ATL1: variants seen among roughly 807,000 people sequenced by gnomAD.
ATL1 encodes the protein atlastin-1.
ATL1 carries 31 observed loss-of-function variants against 75.5 expected under a neutral mutation model. The observed-to-expected ratio is 0.41, with a 90% CI of 0.31 to 0.55. ATL1 has a LOEUF of 0.55. Among genes scored for constraint, ATL1 ranks in the 20% least tolerant of loss-of-function variants. The pLI is 0.27. For synonymous variants in ATL1, 226 were observed against 233.3 expected (o/e 0.97, Z 0.28); for missense variants, 405 against 662.6 (o/e 0.61, Z 4.27).
At chr14:50,547,264 G>T (rs2038645244) in intron 1 of ATL1, among the ~76,000 whole-genome samples, 1 of 152,102 alleles carries the variant, frequency 6.6e-6, no homozygotes, top group South Asian at 2.1e-4. Flanking sequence ...GTGAACTCTT[G>T]TGTAATTTAA....
intron 1 of ATL1, among the ~76,000 whole-genome samples, chr14:50,574,929 GTGTGTGTGTATATA>G (rs2038987458): frequency 1.1e-5 from 1 of 93,458 alleles, no homozygotes; most frequent in South Asian, 3.5e-4. Flanking sequence ...GTGTGTGTGT[GTGTGTGTGTATATA>G]TATATATATA....
chr14:50,627,041 A>C (rs2039527808), intron 11 of ATL1, among the ~76,000 whole-genome samples: 1 of 152,236 alleles, frequency 6.6e-6, no homozygotes, highest in Admixed American at 6.5e-5. Context: ...ATCCCAGGCT[A>C]CAGAGAAATC....
intron 1 of ATL1, among the ~76,000 whole-genome samples, chr14:50,574,937 GTATATA>G (rs71118894): frequency 8.1e-3 from 187 of 23,132 alleles, no homozygotes; most frequent in South Asian, 0.015. Flanking sequence ...GTGTGTGTGT[GTATATA>G]TATATATATA....
chr14:50,626,838 C>G (rs1386196251), intron 11 of ATL1, among the ~76,000 whole-genome samples: 1 of 152,142 alleles, frequency 6.6e-6, no homozygotes, highest in Non-Finnish European at 1.5e-5. Context: ...CTATTGAACA[C>G]TGTCTTATTT....
At chr14:50,628,512 A>G in intron 12 of ATL1, 50 bp downstream of exon 12, 1 of 1,561,580 alleles carries the variant, frequency 6.4e-7, no homozygotes, top group Non-Finnish European at 8.8e-7. Flanking sequence ...TTTGAATGTC[A>G]TCCATGTGCC....
intron 1 of ATL1, among the ~76,000 whole-genome samples, chr14:50,546,061 G>C (rs1028726346): frequency 2.6e-5 from 4 of 151,994 alleles, no homozygotes; most frequent in African/African-American, 4.8e-5. Flanking sequence ...AGCCACTTGG[G>C]GATTTTGTTT....
At chr14:50,630,402 A>G (rs1289495388) in intron 13 of ATL1, among the ~76,000 whole-genome samples, 1 of 152,232 alleles carries the variant, frequency 6.6e-6, no homozygotes, top group Non-Finnish European at 1.5e-5. Flanking sequence ...AACCTTTAGA[A>G]GTTGTTTTCA....
intron 11 of ATL1, among the ~76,000 whole-genome samples, chr14:50,626,726 A>G (rs1355862562): frequency 6.6e-6 from 1 of 152,226 alleles, no homozygotes; most frequent in Non-Finnish European, 1.5e-5. Context: ...TGTGGTATTT[A>G]TCACCTTAAT....
chr14:50,632,033 A>AC lies in ATL1; in HGVS notation c.1567-195dup, dbSNP rs34197551. On this transcript the variant is annotated intron_variant, in intron 13 of 13. Transcript: ENST00000358385. ...AATAAAACATTCACCACACAGGTCA[A>AC]CACACAAAAGTGTTAATGCACACAT... 3.3e-3 allele frequency: 1,460 copies of AC among 448,982 alleles called. 22 individuals carry two copies. Among genetic ancestry groups the AC allele is most frequent in the African/African-American group, 0.026 (1,308 of 50,162 alleles). The allele number at this position is 448,982 out of a possible 1,614,324, so 27.8% of individuals were successfully genotyped here.
At position 50,593,844 on chromosome 14, in the gene ATL1, A is replaced by G; in HGVS notation, c.523-2A>G. On this transcript the variant is annotated splice_acceptor_variant, in intron 4 of 13. Coordinates refer to ENST00000358385, the MANE Select transcript of ATL1 (RefSeq NM_015915.5). LOFTEE classifies it high-confidence loss of function. The stretch of plus-strand genomic sequence containing the variant: ...TCATTGTAATTTTATTTCTTTATCA[A>G]GGTATATAACTTATCCCAAAATGTC... 1.3e-6 allele frequency: 2 copies of G among 1,574,838 alleles called. No homozygotes were observed. Among genetic ancestry groups the G allele is most frequent in the South Asian group, 1.1e-5 (1 of 90,138 alleles).
intron 12 of ATL1, among the ~76,000 whole-genome samples, chr14:50,629,181 A>G (rs1304508899): frequency 6.6e-6 from 1 of 152,198 alleles, no homozygotes; most frequent in Non-Finnish European, 1.5e-5. Flanking sequence ...AAGTTGTCAT[A>G]TCATTCTCTT....
At position 50,605,631 on chromosome 14, in the gene ATL1, A is replaced by AT. The variant is rs202029743; in HGVS notation, c.631-7620dup. Among the ~76,000 whole-genome samples the AT allele has an allele frequency of 3.7e-3, 565 of 151,830 alleles. 3 individuals carry two copies. Among genetic ancestry groups the AT allele is most frequent in the Admixed American group, 0.011 (170 of 15,214 alleles). On this transcript the variant is annotated intron_variant, in intron 6 of 13. Transcript: ENST00000358385. ...AAGTCTTCCAAAATAGCCTTCTGTA[A>AT]TTTTTTTTATTTTTCTTGCCCCCTA...
At chr14:50,562,187 G>A (rs773685094) in intron 1 of ATL1, among the ~76,000 whole-genome samples, 1 of 152,098 alleles carries the variant, frequency 6.6e-6, no homozygotes, top group Non-Finnish European at 1.5e-5. Context: ...TGGGACTACA[G>A]GCGCCTGCCA....
intron 1 of ATL1, among the ~76,000 whole-genome samples, chr14:50,577,389 G>A (rs1369282443): frequency 6.6e-6 from 1 of 152,126 alleles, no homozygotes; most frequent in Non-Finnish European, 1.5e-5. Context: ...ATACAAAGAT[G>A]AATAATACAG....
chr14:50,577,825 A>G (rs2140191649), intron 1 of ATL1, among the ~76,000 whole-genome samples: 1 of 152,282 alleles, frequency 6.6e-6, no homozygotes, highest in South Asian at 2.1e-4. Flanking sequence ...TATAGCATGT[A>G]TTGGTACTGC....
At chr14:50,593,134 C>T (rs916111276) in intron 4 of ATL1, among the ~76,000 whole-genome samples, 1 of 151,586 alleles carries the variant, frequency 6.6e-6, no homozygotes. Flanking sequence ...ATTGACTTTG[C>T]CTTATCAGTA....
chr14:50,590,749 C>A (rs763922681), intron 2 of ATL1, among the ~76,000 whole-genome samples, 192 bp from the exon 3 acceptor site: 3 of 152,094 alleles, frequency 2.0e-5, no homozygotes, highest in Non-Finnish European at 4.4e-5. Context: ...CAGGACATAT[C>A]AAAAATGTGG....
At chr14:50,593,924 T>G (rs1373305523) in intron 5 of ATL1, 28 bp downstream of exon 5, 2 of 1,537,476 alleles carry the variant, frequency 1.3e-6, no homozygotes, top group East Asian at 2.3e-5. Context: ...CTTTTTTGTG[T>G]ATCTGGTAGT....
intron 1 of ATL1, among the ~76,000 whole-genome samples, chr14:50,562,104 G>A (rs1472202867): frequency 2.0e-5 from 3 of 151,796 alleles, no homozygotes; most frequent in Non-Finnish European, 4.4e-5. Context: ...GAGTGCAGTG[G>A]TGCCTTCTGG....
Sources: allele counts gnomAD v4.1 joint callset (sites outside exome capture counted in the v4.1 genomes callset), GRCh38; gene constraint gnomAD v4.1.1; transcripts MANE v1.5; gene names NCBI Gene and HGNC (gene_info 2026-07-23, HGNC 2026-07-21).